Variants in ADTRP observed in about 807,000 individuals in gnomAD.
ADTRP encodes the protein androgen dependent TFPI regulating protein, also known as androgen-dependent TFPI-regulating protein.
In ADTRP, 20 loss-of-function variants were observed where a neutral mutation model predicts 27.0. The ratio of observed to expected loss-of-function variants is 0.74; its 90% CI spans 0.52 to 1.08. The LOEUF (loss-of-function observed/expected upper bound fraction) is 1.08, where lower values mean the gene tolerates loss of function less well. Among genes scored for constraint, ADTRP ranks in the 50% least tolerant of loss-of-function variants. The pLI, the probability that ADTRP is intolerant of heterozygous loss-of-function variation, is 0.00. For synonymous variants in ADTRP, 101 were observed against 105.2 expected (o/e 0.96, Z 0.25); for missense variants, 251 against 275.0 (o/e 0.91, Z 0.62).
At chr6:11,734,968 C>T (rs1336328979) in intron 4 of ADTRP, among the ~76,000 whole-genome samples, 2 of 152,116 alleles carry the variant, frequency 1.3e-5, no homozygotes, top group South Asian at 2.1e-4. Flanking sequence ...GGTGAAAGGC[C>T]AAGCACGTTC....
chr6:11,741,435 T>C (rs1435041167), intron 3 of ADTRP, among the ~76,000 whole-genome samples: 1 of 152,222 alleles, frequency 6.6e-6, no homozygotes, highest in Non-Finnish European at 1.5e-5. Flanking sequence ...TTTACTGATC[T>C]GGAAAGAGAA....
At chr6:11,752,620 T>C (rs769465960) in intron 3 of ADTRP, among the ~76,000 whole-genome samples, 1 of 152,238 alleles carries the variant, frequency 6.6e-6, no homozygotes, top group Admixed American at 6.5e-5. Context: ...ACTGCTATCA[T>C]TGATCTCAGC....
chr6:11,736,785 G>C (rs996095733), intron 3 of ADTRP: 4 of 152,172 alleles, frequency 2.6e-5, no homozygotes, highest in Non-Finnish European at 4.4e-5. Flanking sequence ...GTGTATATTC[G>C]TACGCTCTGG....
chr6:11,717,026 T>C (rs210911), intron 5 of ADTRP: 212,062 of 249,756 alleles, frequency 0.85, 90,611 homozygotes, highest in East Asian at 1. Flanking sequence ...GCACCCAGCC[T>C]TCTGACCATG....
At chr6:11,730,215 T>G (rs1230035267) in intron 4 of ADTRP, among the ~76,000 whole-genome samples, 1 of 152,330 alleles carries the variant, frequency 6.6e-6, no homozygotes, top group East Asian at 1.9e-4. Context: ...ATGTGTTGTG[T>G]GGCATCTTTT....
In ADTRP at chr6:11,723,457, C is replaced by G; in HGVS notation, c.550G>C (p.Val184Leu). The change falls in exon 5 of 6, where the codon GTG (valine) becomes CTG (leucine). Residue 184 changes from valine (V) to leucine (L), a missense_variant. Coordinates refer to ENST00000414691, the MANE Select transcript of ADTRP (RefSeq NM_032744.4). ...CCCAAGAGGCTGAGTTTGGCAAACA[C>G]AGGATACACCCAGGTACCCGTCTCA... is the stretch of plus-strand genomic sequence containing the variant. ...YFETGTWVYP[V>L]FAKLSLLGLA... The G allele has an allele frequency of 6.2e-7, 1 of 1,614,104 alleles. No individual in the cohort carries two copies.
intron 1 of ADTRP, among the ~76,000 whole-genome samples, chr6:11,776,286 T>C (rs1763953928): frequency 6.6e-6 from 1 of 152,170 alleles, no homozygotes; most frequent in South Asian, 2.1e-4. Flanking sequence ...AGAGAGGGAC[T>C]GCTTGAGGAT....
intron 5 of ADTRP, among the ~76,000 whole-genome samples, chr6:11,716,298 C>T (rs769299951): frequency 2.0e-5 from 3 of 152,156 alleles, no homozygotes; most frequent in Non-Finnish European, 4.4e-5. Context: ...GGACTGAAGA[C>T]TCCCTTCTCC....
intron 1 of ADTRP, among the ~76,000 whole-genome samples, chr6:11,775,028 G>A (rs2235387): frequency 6.6e-6 from 1 of 152,012 alleles, no homozygotes. Context: ...CCACCAGGAC[G>A]GCCTGGTGCC....
chr6:11,773,836 G>T (rs548987818), intron 1 of ADTRP, among the ~76,000 whole-genome samples: 1 of 152,294 alleles, frequency 6.6e-6, no homozygotes, highest in South Asian at 2.1e-4. Context: ...TCTATACTGC[G>T]TCCAAAGAAC....
rs373063443 is a variant in ADTRP at position 11,766,355 on chromosome 6, C to G, written c.309G>C (p.Trp103Cys). Residue 103 changes from tryptophan (W) to cysteine (C), a missense_variant, in exon 3 of 6, where the codon TGG becomes TGC. Physicochemically the swap from Trp to Cys is radical, Grantham distance 215. Transcript: ENST00000414691. ...GATCTCGATTGTAGAGAAAGAGGAT[C>G]CAGAATGCCAAAAATACAAACTGGA... ...PVSTFVFLAFWILFLYNRDLI... is the reference protein window; with the variant it reads ...PVSTFVFLAFCILFLYNRDLI... The G allele has an allele frequency of 1.2e-6, 2 of 1,611,500 alleles. No homozygotes were observed. The highest frequency in any genetic ancestry group is 1.1e-5 in the South Asian group (1 of 90,598).
chr6:11,772,325 T>C (rs192049668), intron 1 of ADTRP, among the ~76,000 whole-genome samples: 291 of 152,340 alleles, frequency 1.9e-3, no homozygotes, highest in African/African-American at 6.4e-3. Flanking sequence ...CACTTTTAAA[T>C]AACTAATGCA....
At chr6:11,744,478 A>G (rs930916907) in intron 3 of ADTRP, among the ~76,000 whole-genome samples, 2 of 152,220 alleles carry the variant, frequency 1.3e-5, no homozygotes, top group Admixed American at 1.3e-4. Flanking sequence ...AAAAGGCACC[A>G]CTGAGCAGGA....
chr6:11,768,730 G>A (rs1763654221), intron 1 of ADTRP, among the ~76,000 whole-genome samples: 1 of 152,184 alleles, frequency 6.6e-6, no homozygotes, highest in East Asian at 1.9e-4. Flanking sequence ...CAAATAAACA[G>A]CTCAAAGGCA....
At chr6:11,744,205 C>T (rs1318474785) in intron 3 of ADTRP, among the ~76,000 whole-genome samples, 1 of 152,198 alleles carries the variant, frequency 6.6e-6, no homozygotes, top group African/African-American at 2.4e-5. Flanking sequence ...CATGACATCT[C>T]CCTTGCTTTC....
rs190326510 is a variant in ADTRP, at chr6:11,725,516, T to A, written c.507-2016A>T. Among the ~76,000 whole-genome samples the A allele has an allele frequency of 3.4e-3, 519 of 152,258 alleles. 1 individual carries two copies. The highest frequency in any genetic ancestry group is 5.9e-3 in the Admixed American group (90 of 15,300). ...ATTAGGATGGATACTATATTTTTTT[T>A]AAAAAGACAAGATAACAAGTGTTAG... On this transcript the variant is annotated intron_variant, in intron 4 of 5. Coordinates refer to ENST00000414691, the MANE Select transcript of ADTRP (RefSeq NM_032744.4).
intron 2 of ADTRP, among the ~76,000 whole-genome samples, 198 bp from the exon 3 acceptor site, chr6:11,766,573 C>G (rs1301106194): frequency 6.6e-6 from 1 of 152,208 alleles, no homozygotes; most frequent in African/African-American, 2.4e-5. Context: ...ATTGCTATAT[C>G]TGCTCTTTCT....
At chr6:11,764,816 T>G (rs1763503784) in intron 3 of ADTRP, among the ~76,000 whole-genome samples, 1 of 151,088 alleles carries the variant, frequency 6.6e-6, no homozygotes, top group African/African-American at 2.4e-5. Context: ...ATTATAGTAG[T>G]TCTCTAAAGA....
chr6:11,737,712 G>A (rs1762593433), intron 3 of ADTRP, among the ~76,000 whole-genome samples: 1 of 152,140 alleles, frequency 6.6e-6, no homozygotes, highest in South Asian at 2.1e-4. Context: ...AGAGCACCTG[G>A]GCATCTCAAG....
Sources: gnomAD v4.1 joint callset for allele counts (sites outside exome capture counted in the v4.1 genomes callset) on GRCh38, gnomAD v4.1.1 for gene constraint, MANE v1.5 for transcripts, NCBI Gene and HGNC (gene_info 2026-07-23, HGNC 2026-07-21) for gene names.